CPNE4: variants seen among roughly 807,000 people sequenced by gnomAD.
The protein encoded by CPNE4 is copine-4.
CPNE4 carries 25 observed loss-of-function variants against 67.9 expected under a neutral mutation model. The ratio of observed to expected loss-of-function variants is 0.37; its 90% CI spans 0.27 to 0.51. The LOEUF is 0.51. Among genes scored for constraint, CPNE4 ranks in the 20% least tolerant of loss-of-function variants. The pLI is 0.93. For synonymous variants in CPNE4, 242 were observed against 244.9 expected (o/e 0.99, Z 0.11); for missense variants, 464 against 690.8 (o/e 0.67, Z 3.68).
intron 2 of CPNE4, among the ~76,000 whole-genome samples, chr3:131,904,625 C>T (rs1056857623): frequency 6.6e-6 from 1 of 152,080 alleles, no homozygotes; most frequent in African/African-American, 2.4e-5. Context: ...GCCAGTTACC[C>T]TGGATAGTAA....
intron 2 of CPNE4, among the ~76,000 whole-genome samples, chr3:131,892,200 C>T (rs2088144541): frequency 1.3e-5 from 2 of 152,074 alleles, no homozygotes; most frequent in Admixed American, 1.3e-4. Flanking sequence ...CTCACAGTTC[C>T]CAAATTCAGT....
intron 7 of CPNE4, among the ~76,000 whole-genome samples, chr3:131,667,575 G>A (rs976867454): frequency 6.6e-6 from 1 of 151,888 alleles, no homozygotes; most frequent in Admixed American, 6.6e-5. Context: ...TGCACGTGTG[G>A]AGAAACCCTG....
At chr3:131,638,402 C>A (rs1048562444) in intron 7 of CPNE4, among the ~76,000 whole-genome samples, 1 of 151,596 alleles carries the variant, frequency 6.6e-6, no homozygotes, top group Non-Finnish European at 1.5e-5. Context: ...AACTTGAAAG[C>A]AGCAGCAGTT....
At chr3:131,631,893 T>C (rs1444451756) in intron 7 of CPNE4, among the ~76,000 whole-genome samples, 1 of 139,812 alleles carries the variant, frequency 7.2e-6, no homozygotes. Flanking sequence ...CCCAACACTT[T>C]TTTCTTTTTT....
chr3:131,819,782 T>C (rs902464090), intron 2 of CPNE4, among the ~76,000 whole-genome samples: 3 of 152,104 alleles, frequency 2.0e-5, no homozygotes, highest in Non-Finnish European at 4.4e-5. Context: ...ACACAGGAAG[T>C]AGAGAAGAAT....
intron 7 of CPNE4, among the ~76,000 whole-genome samples, chr3:131,604,020 T>C (rs1415922664): frequency 6.6e-6 from 1 of 152,156 alleles, no homozygotes; most frequent in Non-Finnish European, 1.5e-5. Context: ...ATTCCATCTA[T>C]CAGTGGGATC....
chr3:131,703,063 A>C (rs1434447402), intron 3 of CPNE4, among the ~76,000 whole-genome samples: 2 of 152,198 alleles, frequency 1.3e-5, no homozygotes, highest in Non-Finnish European at 2.9e-5. Flanking sequence ...GTTGGGCAAA[A>C]ATAGCAAAGA....
chr3:131,941,191 AACC>A (rs2071374553), intron 1 of CPNE4, among the ~76,000 whole-genome samples: 1 of 152,080 alleles, frequency 6.6e-6, no homozygotes, highest in Non-Finnish European at 1.5e-5. Context: ...TGTTAAATAC[AACC>A]ATTAATAATA....
At position 131,981,694 on chromosome 3, in the gene CPNE4, G is replaced by A. The variant is rs536331250; in HGVS notation, c.-2+52873C>T. On this transcript the variant is annotated intron_variant, in intron 1 of 15. Transcript: ENST00000429747. ...TAGTTTTACCCAGTGCTCATCTCGC[G>A]TTGGATCACTGTGGTGCCAGGCAGG... Among the ~76,000 whole-genome samples the A allele has an allele frequency of 2.0e-4, 31 of 152,304 alleles. No individual in the cohort carries two copies. In the South Asian group the frequency reaches 3.9e-3, roughly 19 times the overall value.
At chr3:131,927,407 C>T (rs1026380579) in intron 1 of CPNE4, among the ~76,000 whole-genome samples, 2 of 146,986 alleles carry the variant, frequency 1.4e-5, no homozygotes, top group Non-Finnish European at 3.0e-5. Context: ...CATCACATCT[C>T]CATGTTTCTT....
intron 1 of CPNE4, among the ~76,000 whole-genome samples, chr3:131,980,301 T>C (rs146480697): frequency 0.073 from 11,170 of 152,268 alleles, 434 homozygotes; most frequent in East Asian, 0.14. Flanking sequence ...TCCAAGCTTT[T>C]AGATTTCTCT....
intron 1 of CPNE4, among the ~76,000 whole-genome samples, chr3:132,032,586 T>C (rs996459189): frequency 6.6e-6 from 1 of 152,212 alleles, no homozygotes; most frequent in African/African-American, 2.4e-5. Flanking sequence ...CCTTTATTAG[T>C]ATGCACTATT....
intron 12 of CPNE4, among the ~76,000 whole-genome samples, chr3:131,553,003 T>A (rs1412710430): frequency 1.3e-5 from 2 of 152,120 alleles, no homozygotes; most frequent in Non-Finnish European, 2.9e-5. Flanking sequence ...GATTTTCACA[T>A]ACCTACAGGT....
intron 7 of CPNE4, among the ~76,000 whole-genome samples, chr3:131,621,849 A>C (rs1255483793): frequency 7.7e-6 from 1 of 129,138 alleles, no homozygotes; most frequent in Non-Finnish European, 1.5e-5. Context: ...TGTACAAAAA[A>C]TACAAAAAAA....
At chr3:131,767,182 T>A (rs1274068167) in intron 2 of CPNE4, among the ~76,000 whole-genome samples, 2 of 152,102 alleles carry the variant, frequency 1.3e-5, no homozygotes, top group Admixed American at 1.3e-4. Context: ...GACTTTGATT[T>A]TTTTGCCTGT....
At chr3:131,714,716 A>T (rs2081642269) in intron 3 of CPNE4, among the ~76,000 whole-genome samples, 1 of 152,154 alleles carries the variant, frequency 6.6e-6, no homozygotes, top group South Asian at 2.1e-4. Context: ...AGATCTTTTG[A>T]ATCATAACTC....
intron 5 of CPNE4, among the ~76,000 whole-genome samples, chr3:131,689,435 C>T (rs966748698): frequency 1.3e-5 from 2 of 152,118 alleles, no homozygotes; most frequent in East Asian, 1.9e-4. Flanking sequence ...GTTCAACGTA[C>T]ACATATCAAA....
intron 1 of CPNE4, among the ~76,000 whole-genome samples, chr3:131,935,600 G>C (rs1287451232): frequency 6.6e-6 from 1 of 152,070 alleles, no homozygotes; most frequent in Non-Finnish European, 1.5e-5. Context: ...TAGGATAATA[G>C]CAGAAGGCAA....
intron 2 of CPNE4, among the ~76,000 whole-genome samples, chr3:131,865,968 A>C (rs912387978): frequency 6.6e-6 from 1 of 152,224 alleles, no homozygotes; most frequent in Admixed American, 6.5e-5. Context: ...CAATATGGCC[A>C]GGCCTTTACA....
Sources: gnomAD v4.1 joint callset for allele counts (sites outside exome capture counted in the v4.1 genomes callset) on GRCh38, gnomAD v4.1.1 for gene constraint, MANE v1.5 for transcripts, NCBI Gene and HGNC (gene_info 2026-07-23, HGNC 2026-07-21) for gene names.